The following USP22 variants were observed in gnomAD, a reference collection of about 807,000 sequenced individuals.
The protein encoded by USP22 is ubiquitin carboxyl-terminal hydrolase 22.
USP22 carries 22 observed loss-of-function variants against 68.1 expected under a neutral mutation model. The ratio of observed to expected loss-of-function variants is 0.32; its 90% CI spans 0.23 to 0.46. USP22 has a LOEUF of 0.46. USP22 is among the 20% of genes least tolerant of loss of function. The pLI, the probability that USP22 is intolerant of heterozygous loss-of-function variation, is 1.00. For synonymous variants in USP22, 279 were observed against 274.2 expected (o/e 1.02, Z -0.17); for missense variants, 433 against 695.8 (o/e 0.62, Z 4.25).
chr17:21,023,619 T>TG (rs1972184647), intron 2 of USP22, among the ~76,000 whole-genome samples: 1 of 131,748 alleles, frequency 7.6e-6, no homozygotes, highest in Admixed American at 8.9e-5. Flanking sequence ...CACTCCAGCC[T>TG]GGGCGAGAGT....
chr17:21,003,361 C>T (rs575181420), intron 12 of USP22, among the ~76,000 whole-genome samples: 1 of 152,350 alleles, frequency 6.6e-6, no homozygotes, highest in South Asian at 2.1e-4. Context: ...CAGCCCCACC[C>T]TTGTGCAGAG....
At chr17:21,033,911 GCTAA>G (rs1300410637) in intron 1 of USP22, among the ~76,000 whole-genome samples, 2 of 151,972 alleles carry the variant, frequency 1.3e-5, no homozygotes, top group Admixed American at 6.6e-5. Flanking sequence ...ACCATGCTCG[GCTAA>G]CTTTTTGTAT....
At chr17:21,033,895 C>T (rs1312782875) in intron 1 of USP22, among the ~76,000 whole-genome samples, 1 of 151,816 alleles carries the variant, frequency 6.6e-6, no homozygotes, top group African/African-American at 2.4e-5. Context: ...ACTACGGGCG[C>T]GTGCCACCAT....
At chr17:21,005,615 G>C (rs1913753702) in intron 10 of USP22, among the ~76,000 whole-genome samples, 2 of 152,162 alleles carry the variant, frequency 1.3e-5, no homozygotes, top group African/African-American at 4.8e-5. Flanking sequence ...ATGATATGGA[G>C]CTCTGACTCT....
chr17:21,022,709 G>A (rs1361493495), intron 2 of USP22, among the ~76,000 whole-genome samples: 1 of 151,238 alleles, frequency 6.6e-6, no homozygotes, highest in East Asian at 1.9e-4. Flanking sequence ...TGAGGCAGGA[G>A]AATGGCGTGA....
Position 21,002,072 on chromosome 17 carries a change from G to C in USP22, c.*959C>G, listed in dbSNP as rs763312346. 1.3e-5 allele frequency: 2 copies of C among 152,188 alleles called. No homozygotes were observed. The highest frequency in any genetic ancestry group is 1.5e-5 in the Non-Finnish European group (1 of 68,100). 9.4% of individuals were successfully genotyped at this position (152,188 alleles called of 1,614,324 possible). ...GGATAGAAGGCAAAGAAAATACGAGGGACAGAACCCATCAGACACCGGCAG... is the reference window on the plus strand; with the variant it reads ...GGATAGAAGGCAAAGAAAATACGAGCGACAGAACCCATCAGACACCGGCAG... On this transcript the variant is annotated 3_prime_UTR_variant, in exon 13 of 13. Transcript: ENST00000261497.
intron 1 of USP22, among the ~76,000 whole-genome samples, chr17:21,036,494 G>T (rs1035042785): frequency 8.5e-6 from 1 of 117,062 alleles, no homozygotes; most frequent in Non-Finnish European, 1.6e-5. Flanking sequence ...AAAGCAAAAG[G>T]AACTGTAACT....
At chr17:21,041,538 T>C (rs1313237183) in intron 1 of USP22, among the ~76,000 whole-genome samples, 2 of 152,230 alleles carry the variant, frequency 1.3e-5, no homozygotes, top group Middle Eastern at 3.4e-3. Flanking sequence ...GCGGAGATTG[T>C]AGTGAGCCGA....
intron 4 of USP22, among the ~76,000 whole-genome samples, chr17:21,018,818 G>A (rs1567588614): frequency 1.3e-5 from 2 of 152,156 alleles, no homozygotes; most frequent in Non-Finnish European, 2.9e-5. Flanking sequence ...CCTCACCCTG[G>A]CCAAAATCAA....
At chr17:21,028,856 C>G (rs1402453348) in intron 1 of USP22, among the ~76,000 whole-genome samples, 182 bp from the exon 2 acceptor site, 3 of 152,108 alleles carry the variant, frequency 2.0e-5, no homozygotes, top group Non-Finnish European at 2.9e-5. Flanking sequence ...AACAGGACTT[C>G]ATTCAGATGA....
intron 5 of USP22, among the ~76,000 whole-genome samples, chr17:21,017,473 G>A (rs996186990): frequency 2.0e-5 from 3 of 152,218 alleles, no homozygotes; most frequent in South Asian, 2.1e-4. Flanking sequence ...AACGCCACAC[G>A]TGCAGCCCAC....
chr17:21,038,998 C>G (rs962456455), intron 1 of USP22, among the ~76,000 whole-genome samples: 1 of 152,038 alleles, frequency 6.6e-6, no homozygotes, highest in African/African-American at 2.4e-5. Flanking sequence ...GTCGCCCAGG[C>G]TGGAGTGCAG....
At chr17:21,020,585 T>C (rs1325581899) in intron 3 of USP22, among the ~76,000 whole-genome samples, 1 of 152,164 alleles carries the variant, frequency 6.6e-6, no homozygotes, top group Admixed American at 6.5e-5. Context: ...AGTCCAGAGT[T>C]TTAAAAGAGA....
chr17:21,023,021 T>C (rs992723104), intron 2 of USP22, among the ~76,000 whole-genome samples: 2 of 152,220 alleles, frequency 1.3e-5, no homozygotes, highest in Non-Finnish European at 2.9e-5. Flanking sequence ...ATCATGTCGT[T>C]TGCAGGAACA....
chr17:21,022,007 T>G (rs1375010718), intron 2 of USP22, among the ~76,000 whole-genome samples: 2 of 151,910 alleles, frequency 1.3e-5, no homozygotes. Context: ...AGCTGAGGCG[T>G]GAGAACAGCT....
intron 5 of USP22, among the ~76,000 whole-genome samples, chr17:21,016,223 T>C (rs1914127996): frequency 6.6e-6 from 1 of 152,188 alleles, no homozygotes; most frequent in Admixed American, 6.5e-5. Flanking sequence ...CTCAAAGCAC[T>C]AGCCAAACCA....
intron 1 of USP22, 130 bp downstream of exon 1, chr17:21,042,535 G>T: frequency 1.1e-6 from 1 of 883,948 alleles, no homozygotes; most frequent in Non-Finnish European, 1.5e-6. Flanking sequence ...GGCAGAAGGA[G>T]AGAGGAAGAG....
At chr17:21,043,123 A>ACACCCCCCCCCCCC (rs1972466791), upstream of USP22, 3 of 18,886 alleles carry the variant, frequency 1.6e-4, no homozygotes, top group Non-Finnish European at 3.3e-4. Flanking sequence ...AGATTACGTC[A>ACACCCCCCCCCCCC]CCCCCCCCCC....
intron 2 of USP22, among the ~76,000 whole-genome samples, chr17:21,021,848 C>A (rs1483347871): frequency 6.6e-6 from 1 of 152,154 alleles, no homozygotes; most frequent in African/African-American, 2.4e-5. Flanking sequence ...GCCTGTTACC[C>A]CAGCACTTTG....
Sources: allele counts gnomAD v4.1 joint callset (sites outside exome capture counted in the v4.1 genomes callset), GRCh38; gene constraint gnomAD v4.1.1; transcripts MANE v1.5; gene names NCBI Gene and HGNC (gene_info 2026-07-23, HGNC 2026-07-21).